TFEC: variants seen among roughly 807,000 people sequenced by gnomAD.
The protein encoded by TFEC is class E basic helix-loop-helix protein 34.
TFEC carries 31 observed loss-of-function variants against 41.6 expected under a neutral mutation model. The observed-to-expected ratio is 0.74, with a 90% confidence interval of 0.56 to 1.01. The LOEUF is 1.01. Among genes scored for constraint, TFEC ranks in the 50% least tolerant of loss-of-function variants. The pLI is 0.00. For missense variants in TFEC, 402 were observed against 404.1 expected, an observed-to-expected ratio of 0.99 and a Z score of 0.04; for synonymous variants, 143 against 140.6, an observed-to-expected ratio of 1.02 and a Z score of -0.12.
chr7:116,099,411 C>CT (rs763785348), intron 3 of TFEC, among the ~76,000 whole-genome samples: 6 of 152,164 alleles, frequency 3.9e-5, no homozygotes, highest in African/African-American at 7.2e-5. Flanking sequence ...TCACACCTCC[C>CT]TCTATCCACT....
chr7:116,109,917 T>C (rs936010439), intron 3 of TFEC, among the ~76,000 whole-genome samples: 12 of 152,174 alleles, frequency 7.9e-5, no homozygotes, highest in South Asian at 2.1e-4. Flanking sequence ...GCATAGTATG[T>C]CCTTTGTAGG....
chr7:115,993,464 T>G (rs950043904), intron 1 of TFEC, among the ~76,000 whole-genome samples: 1 of 152,196 alleles, frequency 6.6e-6, no homozygotes, highest in Non-Finnish European at 1.5e-5. Context: ...AACCCCATCA[T>G]CTCAGCCCAA....
intron 3 of TFEC, among the ~76,000 whole-genome samples, chr7:116,095,633 A>G (rs1026580810): frequency 6.6e-6 from 1 of 152,118 alleles, no homozygotes; most frequent in African/African-American, 2.4e-5. Flanking sequence ...GAACTCACTC[A>G]TTAATATGTT....
At chr7:116,127,333 T>C (rs1221423899) in intron 1 of TFEC, among the ~76,000 whole-genome samples, 1 of 152,154 alleles carries the variant, frequency 6.6e-6, no homozygotes, top group African/African-American at 2.4e-5. Flanking sequence ...TCCCCTTGCC[T>C]CGGCCTCCCA....
At chr7:116,095,126 T>A (rs1797421037) in intron 3 of TFEC, among the ~76,000 whole-genome samples, 1 of 152,226 alleles carries the variant, frequency 6.6e-6, no homozygotes, top group Admixed American at 6.5e-5. Flanking sequence ...AAATTTATAA[T>A]ACAGGGCTGC....
chr7:115,952,083 A>G, intron 5 of TFEC, among the ~76,000 whole-genome samples: 1 of 152,080 alleles, frequency 6.6e-6, no homozygotes, highest in East Asian at 1.9e-4. Flanking sequence ...GCTACTAGAA[A>G]CAAGGAAAGT....
chr7:116,156,769 G>A (rs560915731), intron 1 of TFEC, among the ~76,000 whole-genome samples: 1 of 152,238 alleles, frequency 6.6e-6, no homozygotes, highest in African/African-American at 2.4e-5. Flanking sequence ...ATGTTTTCTT[G>A]TTTGTACACG....
At chr7:116,065,223 T>C (rs886154359) in intron 3 of TFEC, among the ~76,000 whole-genome samples, 19 of 152,156 alleles carry the variant, frequency 1.2e-4, no homozygotes, top group African/African-American at 4.6e-4. Context: ...ACAGTCAACA[T>C]GCCCCAGCCA....
intron 3 of TFEC, among the ~76,000 whole-genome samples, chr7:116,051,578 G>C (rs762543159): frequency 4.6e-5 from 7 of 152,166 alleles, no homozygotes; most frequent in Non-Finnish European, 1.0e-4. Context: ...ATCATATTTT[G>C]TGTCAATATA....
chr7:116,004,111 A>T (rs1352019722), intron 1 of TFEC, among the ~76,000 whole-genome samples: 2 of 152,144 alleles, frequency 1.3e-5, no homozygotes, highest in Non-Finnish European at 2.9e-5. Context: ...AGTAGAAGAA[A>T]AGGAATAATA....
intron 3 of TFEC, chr7:115,968,449 C>A: frequency 1.7e-6 from 1 of 584,196 alleles, no homozygotes; most frequent in Non-Finnish European, 2.7e-6. Context: ...ACTCATTCCT[C>A]GTCTCTGGAA....
At chr7:115,948,203 T>C (rs1310390826) in intron 6 of TFEC, among the ~76,000 whole-genome samples, 1 of 151,720 alleles carries the variant, frequency 6.6e-6, no homozygotes, top group Admixed American at 6.6e-5. Flanking sequence ...GTGGCAATAA[T>C]CAATAGCTTA....
chr7:116,008,358 A>G (rs1276119792), intron 1 of TFEC, among the ~76,000 whole-genome samples: 1 of 152,160 alleles, frequency 6.6e-6, no homozygotes, highest in Non-Finnish European at 1.5e-5. Flanking sequence ...AACATCACCA[A>G]ATACATACAC....
At chr7:116,102,778 A>G (rs1217269177) in intron 3 of TFEC, among the ~76,000 whole-genome samples, 1 of 152,204 alleles carries the variant, frequency 6.6e-6, no homozygotes, top group Admixed American at 6.5e-5. Flanking sequence ...GGGTCTAAAT[A>G]TTGAATTTGA....
At chr7:115,941,632 C>A in intron 7 of TFEC, 1 of 415,272 alleles carries the variant, frequency 2.4e-6, no homozygotes, top group South Asian at 8.7e-5. Context: ...TATATACATG[C>A]ACACATACAC....
chr7:116,110,178 A>G (rs1320598801), intron 3 of TFEC, among the ~76,000 whole-genome samples: 1 of 152,212 alleles, frequency 6.6e-6, no homozygotes, highest in Non-Finnish European at 1.5e-5. Context: ...ATACATATGT[A>G]ACAAACCTGC....
At chr7:116,104,814 T>C (rs1423551937) in intron 3 of TFEC, among the ~76,000 whole-genome samples, 1 of 151,446 alleles carries the variant, frequency 6.6e-6, no homozygotes, top group African/African-American at 2.4e-5. Context: ...AAAAGGGTGT[T>C]CAGCGTAAAT....
intron 3 of TFEC, among the ~76,000 whole-genome samples, chr7:115,970,629 A>G: frequency 6.6e-6 from 1 of 151,922 alleles, no homozygotes; most frequent in Non-Finnish European, 1.5e-5. Flanking sequence ...TAGAAGGAGG[A>G]GCTATTTAGA....
chr7:116,088,431 A>G (rs1445501312), intron 3 of TFEC, among the ~76,000 whole-genome samples: 3 of 152,184 alleles, frequency 2.0e-5, no homozygotes, highest in Non-Finnish European at 4.4e-5. Flanking sequence ...TAGAAAATCA[A>G]AGAATGAGAC....
Sources: gnomAD v4.1 joint callset for allele counts (sites outside exome capture counted in the v4.1 genomes callset) on GRCh38, gnomAD v4.1.1 for gene constraint, MANE v1.5 for transcripts, NCBI Gene and HGNC (gene_info 2026-07-23, HGNC 2026-07-21) for gene names.